DAB2: variants seen among roughly 807,000 people sequenced by gnomAD.
The protein encoded by DAB2 is disabled homolog 2.
A neutral mutation model predicts 71.6 loss-of-function variants in DAB2; 28 were observed. That is an observed-to-expected ratio of 0.39 (90% confidence interval 0.29 to 0.54). DAB2 has a LOEUF of 0.54. DAB2 is among the 20% of genes least tolerant of loss of function. The pLI, the probability that DAB2 is intolerant of heterozygous loss-of-function variation, is 0.68. For synonymous variants in DAB2, 345 were observed against 339.7 expected (o/e 1.02, Z -0.17); for missense variants, 867 against 928.8 (o/e 0.93, Z 0.86).
In DAB2 at chr5:39,396,907, G is replaced by T. The variant is rs1034286744; in HGVS notation, c.-101-2486C>A. On this transcript the variant is annotated intron_variant, in intron 1 of 14. Transcript: ENST00000320816. ...CTGAGTAGCTGGAGGGGTGATCTGT[G>T]CCATTTAAGTTGTCTCAGCTTCAGA... 5.9e-5 allele frequency among the ~76,000 whole-genome samples: 9 copies of T among 152,302 alleles called. No individual in the cohort carries two copies. In the East Asian group the frequency reaches 7.7e-4, roughly 13 times the overall value.
intron 1 of DAB2, among the ~76,000 whole-genome samples, chr5:39,410,069 G>T (rs967585641): frequency 6.6e-6 from 1 of 152,074 alleles, no homozygotes. Context: ...CACTCCACTG[G>T]ATTGTTTTCT....
At chr5:39,382,109 T>G (rs1446601586) in intron 10 of DAB2, among the ~76,000 whole-genome samples, 1 of 152,202 alleles carries the variant, frequency 6.6e-6, no homozygotes, top group Non-Finnish European at 1.5e-5. Flanking sequence ...TAAATAAAGC[T>G]GAGATCATAG....
intron 1 of DAB2, among the ~76,000 whole-genome samples, chr5:39,415,395 C>G (rs1561380942): frequency 6.6e-6 from 1 of 152,046 alleles, no homozygotes; most frequent in Non-Finnish European, 1.5e-5. Context: ...TCATAAACAC[C>G]AGAAGGAAAC....
chr5:39,404,982 CT>C (rs561081171), intron 1 of DAB2, among the ~76,000 whole-genome samples: 51 of 152,228 alleles, frequency 3.4e-4, no homozygotes, highest in African/African-American at 1.2e-3. Context: ...TGTATTTTTG[CT>C]TTGTTGTTTC....
chr5:39,375,120 T>C, intron 13 of DAB2, 36 bp from the exon 14 acceptor site: 1 of 1,491,664 alleles, frequency 6.7e-7, no homozygotes, highest in Non-Finnish European at 9.2e-7. Flanking sequence ...ATAAATACAG[T>C]TACAGTCATA....
At chr5:39,410,582 TGAAAAATTTATATACTAGGACAA>T (rs921082789) in intron 1 of DAB2, among the ~76,000 whole-genome samples, 7 of 152,162 alleles carry the variant, frequency 4.6e-5, no homozygotes, top group African/African-American at 1.7e-4. Flanking sequence ...TTATTTGACA[TGAAAAATTTATATACTAGGACAA>T]TTGAGTTTTT....
chr5:39,380,132 G>T (rs969452650), intron 11 of DAB2, among the ~76,000 whole-genome samples: 6 of 152,198 alleles, frequency 3.9e-5, no homozygotes, highest in African/African-American at 7.2e-5. Context: ...CCACTTGGGG[G>T]TGCAAGGAAA....
At chr5:39,405,832 G>C (rs1269110404) in intron 1 of DAB2, among the ~76,000 whole-genome samples, 1 of 152,148 alleles carries the variant, frequency 6.6e-6, no homozygotes, top group Non-Finnish European at 1.5e-5. Context: ...CCAGAGTTGT[G>C]ATATTAAATG....
chr5:39,381,384 C>G, intron 11 of DAB2, 70 bp downstream of exon 11: 1 of 1,500,290 alleles, frequency 6.7e-7, no homozygotes, highest in African/African-American at 1.4e-5. Flanking sequence ...TATGAAATCT[C>G]TTCCGATGCA....
chr5:39,382,760 C>T lies in DAB2; in HGVS notation c.1199G>A (p.Gly400Glu). 3 of 1,614,138 alleles carry T rather than the reference C, an allele frequency of 1.9e-6. No homozygotes were observed. Among genetic ancestry groups the T allele is most frequent in the Non-Finnish European group, 1.7e-6 (2 of 1,180,030 alleles). Residue 400 changes from glycine (G) to glutamate (E), a missense_variant, in exon 10 of 15, where the codon GGA (glycine) becomes GAA (glutamate). By Grantham distance (98) the Gly-to-Glu change is moderately conservative. Coordinates refer to ENST00000320816, the MANE Select transcript of DAB2 (RefSeq NM_001343.4). ...SVKSSPNPFV[G>E]SPPKGLSIQN... The stretch of plus-strand genomic sequence containing the variant: ...TATGGACAGTCCTTTGGGAGGGCTT[C>T]CCACAAAAGGGTTCGGGGAGGATTT...
At position 39,415,807 on chromosome 5, in the gene DAB2, A is replaced by G. The variant is rs145063548; in HGVS notation, c.-102+8997T>C. Reference sequence around the variant, plus strand: ...CCTAACACAGAACATGGTTGTGCCCACTGTTTCTATGAAAGAGTTCTTGTG... The same window carrying G: ...CCTAACACAGAACATGGTTGTGCCCGCTGTTTCTATGAAAGAGTTCTTGTG... On this transcript the variant is annotated intron_variant, in intron 1 of 14. Transcript: ENST00000320816. 9.2e-5 allele frequency among the ~76,000 whole-genome samples: 14 copies of G among 152,254 alleles called. No individual in the cohort carries two copies. In the East Asian group the frequency reaches 2.7e-3, roughly 29 times the overall value.
chr5:39,375,721 C>CA (rs201637613), intron 13 of DAB2, among the ~76,000 whole-genome samples: 1 of 151,762 alleles, frequency 6.6e-6, no homozygotes, highest in Non-Finnish European at 1.5e-5. Context: ...CCCATCTCTA[C>CA]AAAAAAATAC....
intron 9 of DAB2, among the ~76,000 whole-genome samples, chr5:39,385,616 C>T (rs944253030): frequency 1.3e-5 from 2 of 152,112 alleles, no homozygotes; most frequent in Non-Finnish European, 2.9e-5. Context: ...GCACCTGAGC[C>T]GCACGCACTG....
chr5:39,385,137 T>C (rs1755069958), intron 9 of DAB2: 1 of 152,138 alleles, frequency 6.6e-6, no homozygotes, highest in Admixed American at 6.5e-5. Flanking sequence ...CCAGGCTTTC[T>C]CTTTATAAAA....
rs971972011 is a variant in DAB2 at position 39,376,958 on chromosome 5, G to A, written c.1829C>T (p.Ser610Phe). The A allele has an allele frequency of 1.2e-6, 2 of 1,614,152 alleles. No individual in the cohort carries two copies. Among genetic ancestry groups the A allele is most frequent in the Non-Finnish European group, 1.7e-6 (2 of 1,180,026 alleles). The change falls in exon 12 of 15, where the codon TCC (serine) becomes TTC (phenylalanine). Residue 610 changes from serine (S) to phenylalanine (F), a missense_variant. Physicochemically the swap from Ser to Phe is radical, Grantham distance 155. Transcript: ENST00000320816. ...AGTGACCAGGAGAGAGGAGTGCATG[G>A]ATGGGGGCTGAGTGGACACAGCAGG... ...PAPAVSTQPP[S>F]MHSSLLVTPP...
chr5:39,394,194 G>A, intron 2 of DAB2, 36 bp downstream of exon 2: 2 of 1,535,258 alleles, frequency 1.3e-6, no homozygotes, highest in Non-Finnish European at 1.8e-6. Context: ...ACCATCTCTA[G>A]CTCCCTTCCT....
In DAB2 at chr5:39,384,412, T is replaced by C. The variant is rs577774053; in HGVS notation, c.688-1141A>G. On this transcript the variant is annotated intron_variant, in intron 9 of 14. Transcript: ENST00000320816. Reference sequence around the variant, plus strand: ...TTGAATGTGGTCTCTCTGTCTCTCTTCTCTCAAAATATTATATTGTACCGT... The same window carrying C: ...TTGAATGTGGTCTCTCTGTCTCTCTCCTCTCAAAATATTATATTGTACCGT... Among the ~76,000 whole-genome samples, 105 of 152,318 alleles carry C rather than the reference T, an allele frequency of 6.9e-4. 1 individual carries two copies. The highest frequency in any genetic ancestry group is 2.4e-3 in the African/African-American group (99 of 41,566).
In DAB2 at chr5:39,376,938, C is replaced by T. The variant is rs751318446; in HGVS notation, c.1849G>A (p.Val617Ile). The change falls in exon 12 of 15, where the codon GTC becomes ATC. Residue 617 changes from valine to isoleucine, a missense_variant. Physicochemically the swap from Val to Ile is conservative, Grantham distance 29. Coordinates refer to ENST00000320816, the MANE Select transcript of DAB2 (RefSeq NM_001343.4). ...CTGGGAGGTGGCTGAGGAGGAGTGA[C>T]CAGGAGAGAGGAGTGCATGGATGGG... Reference protein sequence around the residue: ...QPPSMHSSLLVTPPQPPPRAG... With the variant: ...QPPSMHSSLLITPPQPPPRAG... The T allele has an allele frequency of 6.2e-7, 1 of 1,614,010 alleles. No homozygotes were observed. The highest frequency in any genetic ancestry group is 1.1e-5 in the South Asian group (1 of 91,076).
Position 39,388,307 on chromosome 5 carries a change from T to C in DAB2, c.685A>G (p.Thr229Ala). Residue 229 changes from threonine (T) to alanine (A), a missense_variant and splice_region_variant, in exon 9 of 15, where the codon ACA (threonine) becomes GCA (alanine). This residue lies in a region of DAB2 where 740 missense variants were observed against 734.3 expected (regional missense o/e 1.01). Coordinates refer to ENST00000320816, the MANE Select transcript of DAB2 (RefSeq NM_001343.4). ...MSTPPDLNSP[T>A]ESKDILLVDL... ...CAAATTTAAAAACAAACACTTACTG[T>C]TGGACTATTTAGGTCAGGAGGTGTA... The C allele has an allele frequency of 6.2e-7, 1 of 1,608,120 alleles. No individual in the cohort carries two copies. The highest frequency in any genetic ancestry group is 8.5e-7 in the Non-Finnish European group (1 of 1,176,040).
Sources: gnomAD v4.1 joint callset for allele counts (sites outside exome capture counted in the v4.1 genomes callset) on GRCh38, gnomAD v4.1.1 for gene constraint, gnomAD v4.1.1 regional missense constraint, MANE v1.5 for transcripts, NCBI Gene and HGNC (gene_info 2026-07-23, HGNC 2026-07-21) for gene names.